DNAH6: variants seen among roughly 807,000 people sequenced by gnomAD.
DNAH6 encodes the protein axonemal beta dynein heavy chain 6.
In DNAH6, 340 loss-of-function variants were observed where a neutral mutation model predicts 491.4. The ratio of observed to expected loss-of-function variants is 0.69; its 90% CI spans 0.63 to 0.76. The LOEUF is 0.76. DNAH6 is among the 30% of genes least tolerant of loss of function. DNAH6 has a pLI of 0.00. For synonymous variants in DNAH6, 1,603 were observed against 1,686.1 expected (o/e 0.95, Z 1.21); for missense variants, 4,443 against 4,972.2 (o/e 0.89, Z 3.20).
In DNAH6 at chr2:84,768,917, C is replaced by T. The variant is rs531541636; in HGVS notation, c.10703+5972C>T. Among the ~76,000 whole-genome samples, 51 of 152,318 alleles carry T rather than the reference C, an allele frequency of 3.3e-4. 1 individual carries two copies. In the South Asian group the frequency reaches 0.01, roughly 31 times the overall value. ...ATGGCAGAGTAGAAATTCCAAAAAT[C>T]TATCTCTACACGTGTAAGGAAAATC... is the stretch of plus-strand genomic sequence containing the variant. On this transcript the variant is annotated intron_variant, in intron 64 of 76. Coordinates refer to ENST00000389394, the MANE Select transcript of DNAH6 (RefSeq NM_001370.2).
the DNAH6 span, among the ~76,000 whole-genome samples, chr2:84,476,288 A>G: frequency 6.6e-6 from 1 of 152,158 alleles, no homozygotes; most frequent in Non-Finnish European, 1.5e-5. Flanking sequence ...GGAAATTGCC[A>G]TGCTTCAAGG....
chr2:84,514,515 A>C (rs193264763), upstream of DNAH6, among the ~76,000 whole-genome samples: 1 of 152,348 alleles, frequency 6.6e-6, no homozygotes, highest in African/African-American at 2.4e-5. Context: ...TTTACTATTA[A>C]AGATGTGAAC....
intron 33 of DNAH6, among the ~76,000 whole-genome samples, chr2:84,648,773 C>T (rs548314969): frequency 3.3e-5 from 5 of 152,248 alleles, no homozygotes; most frequent in Admixed American, 6.5e-5. Context: ...ATGCTGTGAA[C>T]GTTGTTAAAA....
chr2:84,716,118 T>C (rs1052555396), intron 58 of DNAH6, among the ~76,000 whole-genome samples: 2 of 150,476 alleles, frequency 1.3e-5, no homozygotes, highest in Admixed American at 6.7e-5. Flanking sequence ...TGTATATATA[T>C]ACACATATAT....
intron 4 of DNAH6, among the ~76,000 whole-genome samples, chr2:84,529,486 A>G (rs193198094): frequency 6.6e-6 from 1 of 152,292 alleles, no homozygotes; most frequent in East Asian, 1.9e-4. Context: ...GGCAACATAT[A>G]AAAAGCAGAT....
chr2:84,669,492 AATAACTGG>A lies in DNAH6; in HGVS notation c.6290_6297del (p.Ile2097SerfsTer13). On this transcript the variant is annotated frameshift_variant, in exon 38 of 77. Transcript: ENST00000389394. LOFTEE classifies it high-confidence loss of function. The stretch of plus-strand genomic sequence containing the variant: ...TCAAGCATTCCGTGTTGTTTACTGG[AATAACTGG>A]AGTGGGCAAGGTAGGAAACTTACAT... 1 of 1,551,746 alleles carries A rather than the reference AATAACTGG, an allele frequency of 6.4e-7. No individual in the cohort carries two copies. The highest frequency in any genetic ancestry group is 2.4e-5 in the East Asian group (1 of 40,926).
upstream of DNAH6, among the ~76,000 whole-genome samples, chr2:84,511,536 C>T (rs1217219965): frequency 6.6e-6 from 1 of 152,096 alleles, no homozygotes; most frequent in Non-Finnish European, 1.5e-5. Context: ...GAGGCGATGC[C>T]TCGCCCTGCT....
chr2:84,577,326 C>G lies in DNAH6; in HGVS notation c.1994C>G (p.Pro665Arg), dbSNP rs768770013. 1 of 1,611,718 alleles carries G rather than the reference C, an allele frequency of 6.2e-7. No individual in the cohort carries two copies. The highest frequency in any genetic ancestry group is 8.5e-7 in the Non-Finnish European group (1 of 1,178,872). The change falls in exon 13 of 77, where the codon CCC (proline) becomes CGC (arginine). Residue 665 changes from proline (P) to arginine (R), a missense_variant. Pro to Arg is a moderately radical substitution (Grantham distance 103). This residue lies in a region of DNAH6 where 2,977 missense variants were observed against 3,296.6 expected (regional missense o/e 0.90). Transcript: ENST00000389394. ...KQHKDAVALRPTRNVGLLLID... is the reference protein window; with the variant it reads ...KQHKDAVALRRTRNVGLLLID... ...CACAAGGACGCAGTAGCGCTCAGAC[C>G]CACCAGAAATGTAGGATTGCTGCTC...
intron 14 of DNAH6, among the ~76,000 whole-genome samples, chr2:84,580,298 A>G (rs1390930959): frequency 1.1e-5 from 1 of 89,586 alleles, no homozygotes; most frequent in Non-Finnish European, 2.1e-5. Flanking sequence ...TCTCTCTCTT[A>G]TACACACACA....
chr2:84,687,413 T>A (rs1573486594), intron 44 of DNAH6, among the ~76,000 whole-genome samples: 1 of 152,174 alleles, frequency 6.6e-6, no homozygotes, highest in East Asian at 1.9e-4. Context: ...GTTCAACACA[T>A]GAAGGAACTC....
chr2:84,530,107 G>A (rs1039667574), intron 4 of DNAH6, among the ~76,000 whole-genome samples: 4 of 152,254 alleles, frequency 2.6e-5, no homozygotes, highest in South Asian at 2.1e-4. Flanking sequence ...ACTGTTTTAC[G>A]TGCTTGAGAC....
chr2:84,743,561 C>T (rs1672704000), intron 62 of DNAH6, among the ~76,000 whole-genome samples: 2 of 152,128 alleles, frequency 1.3e-5, no homozygotes, highest in Admixed American at 1.3e-4. Flanking sequence ...GTGGCTCATG[C>T]CTGTAATCCT....
At chr2:84,648,688 G>A (rs1690127796) in intron 33 of DNAH6, among the ~76,000 whole-genome samples, 1 of 152,194 alleles carries the variant, frequency 6.6e-6, no homozygotes, top group South Asian at 2.1e-4. Context: ...GATCAAACGT[G>A]AATAGATGAG....
At chr2:84,651,964 T>C (rs79293539) in intron 33 of DNAH6, among the ~76,000 whole-genome samples, 16 of 152,010 alleles carry the variant, frequency 1.1e-4, no homozygotes, top group African/African-American at 3.4e-4. Flanking sequence ...TTTTTTTTTT[T>C]ACTGCTGCTA....
chr2:84,683,943 G>A (rs768263792), intron 42 of DNAH6, among the ~76,000 whole-genome samples: 6 of 152,088 alleles, frequency 3.9e-5, no homozygotes, highest in Non-Finnish European at 5.9e-5. Flanking sequence ...GCCCATGGCA[G>A]GAGCTTAGGC....
chr2:84,758,422 A>G (rs896002606), intron 63 of DNAH6, among the ~76,000 whole-genome samples: 5 of 152,208 alleles, frequency 3.3e-5, no homozygotes, highest in Admixed American at 2.0e-4. Flanking sequence ...AATACATTCT[A>G]TGAGGCCAGT....
chr2:84,604,303 A>G lies in DNAH6; in HGVS notation c.2869-36A>G, dbSNP rs753124684. ...ACCTGTGGGTTATATTTTTAAGATA[A>G]AAAGCTTCATGTCTCTGAGAGTGTT... On this transcript the variant is annotated intron_variant, in intron 18 of 76. Transcript: ENST00000389394. 7.4e-6 allele frequency: 11 copies of G among 1,491,712 alleles called. No individual in the cohort carries two copies. The African/African-American group carries it at 1.3e-4, about 17-fold the overall frequency. The allele number at this position is 1,491,712 out of a possible 1,614,324, so 92.4% of individuals were successfully genotyped here.
intron 44 of DNAH6, among the ~76,000 whole-genome samples, chr2:84,687,146 C>G (rs1317536745): frequency 6.6e-6 from 1 of 152,162 alleles, no homozygotes; most frequent in African/African-American, 2.4e-5. Flanking sequence ...CTGCAATACT[C>G]TCTGTCTAAT....
At chr2:84,572,536 A>T (rs1682000962) in intron 11 of DNAH6, among the ~76,000 whole-genome samples, 1 of 152,230 alleles carries the variant, frequency 6.6e-6, no homozygotes, top group Admixed American at 6.5e-5. Context: ...AAGAAACAGC[A>T]GAAACATTCT....
Sources: gnomAD v4.1 joint callset for allele counts (sites outside exome capture counted in the v4.1 genomes callset) on GRCh38, gnomAD v4.1.1 for gene constraint, gnomAD v4.1.1 regional missense constraint, MANE v1.5 for transcripts, NCBI Gene and HGNC (gene_info 2026-07-23, HGNC 2026-07-21) for gene names.